Variants in SLIT3 observed in about 807,000 individuals in gnomAD.
The protein encoded by SLIT3 is slit homolog 3 protein.
SLIT3 carries 68 observed loss-of-function variants against 184.0 expected under a neutral mutation model. That is an observed-to-expected ratio of 0.37 (90% CI 0.30 to 0.45). The LOEUF (loss-of-function observed/expected upper bound fraction) is 0.45. Ranked by LOEUF, SLIT3 falls within the 20% of genes least tolerant of loss-of-function variation. The probability of loss-of-function intolerance (pLI) is 1.00; values close to 1 mark genes in which losing one functional copy is unlikely to be tolerated. For synonymous variants in SLIT3, 831 were observed against 828.6 expected, an observed-to-expected ratio of 1.00 and a Z score of -0.05; for missense variants, 1,707 against 2,026.0, an observed-to-expected ratio of 0.84 and a Z score of 3.02.
At chr5:168,878,395 C>A (rs542377708) in intron 5 of SLIT3, among the ~76,000 whole-genome samples, 1 of 152,362 alleles carries the variant, frequency 6.6e-6, no homozygotes, top group Admixed American at 6.5e-5. Context: ...GTCCACAGGG[C>A]TCAGAGGCCG....
intron 4 of SLIT3, among the ~76,000 whole-genome samples, chr5:169,182,529 A>AT (rs1315250652): frequency 6.6e-6 from 1 of 152,230 alleles, no homozygotes; most frequent in Non-Finnish European, 1.5e-5. Flanking sequence ...TTATGCTAGA[A>AT]TTTGGGGCAT....
At chr5:168,922,374 G>A (rs1013341735) in intron 4 of SLIT3, among the ~76,000 whole-genome samples, 10 of 147,090 alleles carry the variant, frequency 6.8e-5, no homozygotes, top group Admixed American at 7.0e-5. Flanking sequence ...GGAGAATGGC[G>A]TTAACCCAGG....
At chr5:168,875,459 C>T (rs568824384) in intron 5 of SLIT3, among the ~76,000 whole-genome samples, 13 of 152,006 alleles carry the variant, frequency 8.6e-5, no homozygotes, top group Non-Finnish European at 1.8e-4. Flanking sequence ...TGGTGTAACA[C>T]TGTCTCTACT....
chr5:168,953,208 A>G (rs1322209470), intron 4 of SLIT3, among the ~76,000 whole-genome samples: 1 of 152,248 alleles, frequency 6.6e-6, no homozygotes, highest in Non-Finnish European at 1.5e-5. Context: ...ATTCTTGGTC[A>G]GTATAACCCA....
intron 4 of SLIT3, among the ~76,000 whole-genome samples, chr5:169,029,212 AG>A (rs1167252332): frequency 6.6e-5 from 10 of 152,240 alleles, no homozygotes; most frequent in Non-Finnish European, 1.5e-4. Flanking sequence ...AGGAAACAGT[AG>A]GTATTTGTTG....
At chr5:168,824,911 G>A (rs543935134) in intron 6 of SLIT3, among the ~76,000 whole-genome samples, 7 of 152,256 alleles carry the variant, frequency 4.6e-5, no homozygotes, top group South Asian at 2.1e-4. Context: ...ATTATCTTCC[G>A]CTTCAAATGC....
chr5:168,847,629 T>A (rs556611471), intron 5 of SLIT3, among the ~76,000 whole-genome samples: 1 of 152,334 alleles, frequency 6.6e-6, no homozygotes, highest in African/African-American at 2.4e-5. Context: ...ACAGGTTTCT[T>A]TTTCTTTGCA....
intron 4 of SLIT3, among the ~76,000 whole-genome samples, chr5:168,925,317 A>C (rs1440392604): frequency 1.3e-5 from 2 of 152,186 alleles, no homozygotes; most frequent in African/African-American, 4.8e-5. Context: ...ACTATGCACA[A>C]GCTGGGGAAG....
intron 23 of SLIT3, chr5:168,718,038 A>T (rs1473097149): frequency 6.6e-6 from 1 of 152,094 alleles, no homozygotes; most frequent in Non-Finnish European, 1.5e-5. Context: ...TTCTGCAATT[A>T]AACTTTTGTT....
chr5:168,689,523 A>T (rs1230263037), intron 29 of SLIT3, among the ~76,000 whole-genome samples: 3 of 152,234 alleles, frequency 2.0e-5, no homozygotes, highest in Non-Finnish European at 2.9e-5. Context: ...AGTGAGCCTC[A>T]TAAAATGTGA....
intron 4 of SLIT3, among the ~76,000 whole-genome samples, chr5:169,131,772 T>C (rs1473124398): frequency 1.3e-5 from 2 of 152,226 alleles, no homozygotes; most frequent in African/African-American, 4.8e-5. Flanking sequence ...CTTGCCTTCC[T>C]CTACAATTGA....
chr5:169,113,649 T>A (rs887731887), intron 4 of SLIT3, among the ~76,000 whole-genome samples: 11 of 149,188 alleles, frequency 7.4e-5, no homozygotes, highest in Non-Finnish European at 1.3e-4. Context: ...ATGCCTTTTT[T>A]TTCTTTTTCT....
intron 4 of SLIT3, among the ~76,000 whole-genome samples, chr5:168,893,468 G>C (rs1004679224): frequency 2.0e-5 from 3 of 152,154 alleles, no homozygotes; most frequent in African/African-American, 7.2e-5. Flanking sequence ...GTCTAATGCT[G>C]GCTGGACAAG....
In SLIT3 at chr5:168,806,567, A is replaced by G. The variant is rs763040689; in HGVS notation, c.814T>C (p.Ser272Pro). The part of the protein sequence containing the change: ...VCPAPHSEPP[S>P]CNANSISCPS... ...CAGGAGATGGAGTTGGCATTGCAGGATGGGGGCTCCGAGTGGGGGGCTGTG... is the reference window on the plus strand; with the variant it reads ...CAGGAGATGGAGTTGGCATTGCAGGGTGGGGGCTCCGAGTGGGGGGCTGTG... The change falls in exon 9 of 36, where the codon TCC (serine) becomes CCC (proline). Residue 272 changes from serine (S) to proline (P), a missense_variant. Physicochemically the swap from Ser to Pro is moderately conservative, Grantham distance 74 (BLOSUM62 -1). This residue lies in a region of SLIT3 where 1,307 missense variants were observed against 1,511.6 expected (regional missense o/e 0.86). Coordinates refer to ENST00000519560, the MANE Select transcript of SLIT3 (RefSeq NM_003062.4). 1 of 1,614,108 alleles carries G rather than the reference A, an allele frequency of 6.2e-7. No individual in the cohort carries two copies. The highest frequency in any genetic ancestry group is 8.5e-7 in the Non-Finnish European group (1 of 1,180,000).
At chr5:168,803,734 G>C (rs995307566) in intron 9 of SLIT3, among the ~76,000 whole-genome samples, 8 of 152,042 alleles carry the variant, frequency 5.3e-5, no homozygotes, top group African/African-American at 1.9e-4. Flanking sequence ...CTGCCAAAGA[G>C]AAAAAAACCT....
chr5:169,298,623 C>G (rs1299630263), intron 1 of SLIT3, among the ~76,000 whole-genome samples: 1 of 152,168 alleles, frequency 6.6e-6, no homozygotes, highest in Non-Finnish European at 1.5e-5. Context: ...AGATCCAAGC[C>G]CAGCCAGAAC....
In SLIT3 at chr5:168,666,415, A is replaced by G. The variant is rs1318094286; in HGVS notation, c.*39T>C. The G allele has an allele frequency of 6.6e-7, 1 of 1,508,334 alleles. No individual in the cohort carries two copies. The highest frequency in any genetic ancestry group is 8.9e-7 in the Non-Finnish European group (1 of 1,129,010). 93.4% of individuals were successfully genotyped at this position (1,508,334 alleles called of 1,614,324 possible). On this transcript the variant is annotated 3_prime_UTR_variant, in exon 36 of 36. Transcript: ENST00000519560. ...CCACATGGCTGTCCCAACTCCATCA[A>G]GCTGGAGTCCGAGAGGTGGCAGGCA...
intron 4 of SLIT3, among the ~76,000 whole-genome samples, chr5:169,029,582 A>G (rs1470388852): frequency 6.6e-6 from 1 of 152,246 alleles, no homozygotes; most frequent in Non-Finnish European, 1.5e-5. Context: ...CCTTCCAGCA[A>G]CTGAATCCCT....
intron 22 of SLIT3, among the ~76,000 whole-genome samples, chr5:168,722,710 C>T (rs1762982728): frequency 6.6e-6 from 1 of 152,228 alleles, no homozygotes; most frequent in African/African-American, 2.4e-5. Flanking sequence ...AGACAGCCTT[C>T]TTCAGAAGCG....
Sources: allele counts gnomAD v4.1 joint callset (sites outside exome capture counted in the v4.1 genomes callset), GRCh38; gene constraint gnomAD v4.1.1; regional missense constraint gnomAD v4.1.1; transcripts MANE v1.5; gene names NCBI Gene and HGNC (gene_info 2026-07-23, HGNC 2026-07-21).